The following USP10 variants were observed in gnomAD, a reference collection of about 807,000 sequenced individuals.
USP10 encodes the protein ubiquitin carboxyl-terminal hydrolase 10.
Under a neutral mutation model 84.5 loss-of-function variants are expected in USP10, and 22 were observed. The ratio of observed to expected loss-of-function variants is 0.26; its 90% CI spans 0.19 to 0.37. The LOEUF (loss-of-function observed/expected upper bound fraction) is 0.37, where lower values mean the gene tolerates loss of function less well. Among genes scored for constraint, USP10 ranks in the 10% least tolerant of loss-of-function variants. The pLI is 1.00. For synonymous variants in USP10, 454 were observed against 387.6 expected (o/e 1.17, Z -2.01); for missense variants, 1,019 against 998.9 (o/e 1.02, Z -0.27).
chr16:84,767,549 A>T (rs1913995954), intron 10 of USP10, among the ~76,000 whole-genome samples: 1 of 152,210 alleles, frequency 6.6e-6, no homozygotes, highest in Non-Finnish European at 1.5e-5. Flanking sequence ...TTTTATTAGA[A>T]CAGGCTATGA....
chr16:84,704,681 T>G, intron 1 of USP10: 1 of 1,465,808 alleles, frequency 6.8e-7, no homozygotes, highest in Non-Finnish European at 9.0e-7. Context: ...TAAACCTCGA[T>G]GTAGAATCTT....
At chr16:84,738,236 C>T (rs1910187898) in intron 2 of USP10, among the ~76,000 whole-genome samples, 1 of 152,144 alleles carries the variant, frequency 6.6e-6, no homozygotes, top group Admixed American at 6.5e-5. Context: ...GTGAAGAGAA[C>T]ATTGATATAA....
intron 4 of USP10, among the ~76,000 whole-genome samples, chr16:84,752,782 C>G (rs573404787): frequency 8.5e-5 from 13 of 152,256 alleles, no homozygotes; most frequent in African/African-American, 2.4e-4. Flanking sequence ...TTAGTGTCTC[C>G]TCCAGTTGAT....
intron 1 of USP10, among the ~76,000 whole-genome samples, chr16:84,705,797 G>A (rs1473892515): frequency 7.3e-6 from 1 of 136,560 alleles, no homozygotes; most frequent in Non-Finnish European, 1.5e-5. Flanking sequence ...TGGGTTCACT[G>A]CAGCCTCTAC....
chr16:84,730,523 GA>G (rs374358369), intron 1 of USP10, among the ~76,000 whole-genome samples: 9 of 151,936 alleles, frequency 5.9e-5, no homozygotes, highest in Non-Finnish European at 1.0e-4. Context: ...AATAATAGGA[GA>G]AAAAAAACTC....
chr16:84,748,154 A>G (rs1478184170), intron 4 of USP10, among the ~76,000 whole-genome samples: 1 of 13,060 alleles, frequency 7.7e-5, no homozygotes, highest in African/African-American at 2.8e-4. Flanking sequence ...ACTCCATCTC[A>G]AAAAAAAAAA....
chr16:84,712,039 G>C (rs16974422), intron 1 of USP10, among the ~76,000 whole-genome samples: 1 of 152,024 alleles, frequency 6.6e-6, no homozygotes, highest in Non-Finnish European at 1.5e-5. Flanking sequence ...TTTTAAGGTG[G>C]ACAGAAACAC....
At position 84,758,798 on chromosome 16, in the gene USP10, C is replaced by T; in HGVS notation, c.1275C>T (p.Tyr425=). ...RGLINKGNWC[Y]INATLQALVA... ...TGATCAATAAAGGGAACTGGTGCTA[C>T]ATTAATGCTGTATCCTTCCTGGACG... The change falls in exon 5 of 14, where the codon TAC becomes TAT. Residue 425 remains tyrosine (Y), a synonymous_variant. Coordinates refer to ENST00000219473, the MANE Select transcript of USP10 (RefSeq NM_005153.3). 1 of 1,612,800 alleles carries T rather than the reference C, an allele frequency of 6.2e-7. No individual in the cohort carries two copies. Among genetic ancestry groups the T allele is most frequent in the Non-Finnish European group, 8.5e-7 (1 of 1,178,766 alleles).
rs1260884204 is a variant in USP10 at position 84,779,913 on chromosome 16, T to G, written c.*831T>G. The G allele has an allele frequency of 6.6e-6, 1 of 152,108 alleles. No individual in the cohort carries two copies. Among genetic ancestry groups the G allele is most frequent in the African/African-American group, 2.4e-5 (1 of 41,418 alleles). The allele number at this position is 152,108 out of a possible 1,614,324, so 9.4% of individuals were successfully genotyped here. A position where few individuals can be genotyped will look rare whatever the true frequency, so the allele number is the denominator to read the frequency against. ...TCGCCCATCAATAAAAATCACAAAG[T>G]TGGTTTAAAGGTGTGTGCGTGTTTC... is the stretch of plus-strand genomic sequence containing the variant. On this transcript the variant is annotated 3_prime_UTR_variant, in exon 14 of 14. Coordinates refer to ENST00000219473, the MANE Select transcript of USP10 (RefSeq NM_005153.3).
chr16:84,750,959 TATTACA>T (rs926412916), intron 4 of USP10, among the ~76,000 whole-genome samples: 10 of 152,234 alleles, frequency 6.6e-5, no homozygotes, highest in African/African-American at 2.2e-4. Flanking sequence ...GAAACAAAGT[TATTACA>T]ATTTGGGTCT....
Position 84,757,400 on chromosome 16 carries a change from GGGGTGTGTGTGTGT to G in USP10, c.1193-1314_1193-1301del, listed in dbSNP as rs1176658977. On this transcript the variant is annotated intron_variant, in intron 4 of 13. Coordinates refer to ENST00000219473, the MANE Select transcript of USP10 (RefSeq NM_005153.3). ...TAGGAAGGAGGGAATGAGAGGGGTG[GGGGTGTGTGTGTGT>G]GTGTGTGTGTGTGTGTGTGTGTGTG... is the stretch of plus-strand genomic sequence containing the variant. Among the ~76,000 whole-genome samples the G allele has an allele frequency of 2.1e-4, 13 of 61,216 alleles. No individual in the cohort carries two copies. In the East Asian group the frequency reaches 4.5e-3, roughly 21 times the overall value. 40.2% of individuals were successfully genotyped at this position (61,216 alleles called of 152,430 possible). A position where few individuals can be genotyped will look rare whatever the true frequency, so the allele number is the denominator to read the frequency against.
intron 1 of USP10, among the ~76,000 whole-genome samples, chr16:84,729,673 G>A (rs1908961499): frequency 6.6e-6 from 1 of 152,200 alleles, no homozygotes; most frequent in Admixed American, 6.5e-5. Context: ...GAAAGGACCG[G>A]TTTTAAATAT....
chr16:84,751,141 G>C (rs546516309), intron 4 of USP10, among the ~76,000 whole-genome samples: 1 of 152,188 alleles, frequency 6.6e-6, no homozygotes, highest in African/African-American at 2.4e-5. Context: ...TTGTGTTACA[G>C]TTGCCTACGG....
At chr16:84,700,439 C>A (rs1312547425) in intron 1 of USP10, among the ~76,000 whole-genome samples, 1 of 151,844 alleles carries the variant, frequency 6.6e-6, no homozygotes, top group Non-Finnish European at 1.5e-5. Context: ...GGAGTGGGGC[C>A]CTCCCCGCCG....
At chr16:84,731,070 C>T (rs1454343807) in intron 1 of USP10, among the ~76,000 whole-genome samples, 3 of 151,018 alleles carry the variant, frequency 2.0e-5, no homozygotes, top group Non-Finnish European at 4.4e-5. Context: ...ACCTCCACCT[C>T]CCGGGTTCAA....
At chr16:84,747,916 G>T (rs1190957366) in intron 4 of USP10, among the ~76,000 whole-genome samples, 1 of 151,930 alleles carries the variant, frequency 6.6e-6, no homozygotes, top group Non-Finnish European at 1.5e-5. Flanking sequence ...TGCAAGGACT[G>T]ATACTGTAGG....
chr16:84,746,959 T>C (rs997389033), intron 4 of USP10, among the ~76,000 whole-genome samples: 7 of 152,226 alleles, frequency 4.6e-5, no homozygotes, highest in Non-Finnish European at 8.8e-5. Flanking sequence ...TTAAAAATTG[T>C]TTTTAACTTT....
intron 4 of USP10, among the ~76,000 whole-genome samples, chr16:84,753,141 A>G (rs1377835237): frequency 2.0e-5 from 3 of 151,430 alleles, no homozygotes; most frequent in Non-Finnish European, 2.9e-5. Context: ...TAATTTTTTT[A>G]TTTTTTATTT....
rs1914579863 is a variant in USP10 at position 84,772,674 on chromosome 16, A to G, written c.2132A>G (p.Glu711Gly). 5 of 1,613,848 alleles carry G rather than the reference A, an allele frequency of 3.1e-6. No individual in the cohort carries two copies. The highest frequency in any genetic ancestry group is 4.2e-6 in the Non-Finnish European group (5 of 1,179,894). Reference sequence around the variant, plus strand: ...AATATTGAATATCCTGTGGACTTGGAAATTAGTAAAGGTAATGCATACATA... The same window carrying G: ...AATATTGAATATCCTGTGGACTTGGGAATTAGTAAAGGTAATGCATACATA... ...IKNIEYPVDL[E>G]ISKELLSPGV... is the part of the protein sequence containing the mutation. Residue 711 changes from glutamate to glycine, a missense_variant, in exon 12 of 14, where the codon GAA becomes GGA. Transcript: ENST00000219473.
Sources: gnomAD v4.1 joint callset for allele counts (sites outside exome capture counted in the v4.1 genomes callset) on GRCh38, gnomAD v4.1.1 for gene constraint, MANE v1.5 for transcripts, NCBI Gene and HGNC (gene_info 2026-07-23, HGNC 2026-07-21) for gene names.